Variants in SUPT3H observed in about 807,000 individuals in gnomAD.
The protein encoded by SUPT3H is SPT3 homolog, SAGA and STAGA complex component.
SUPT3H carries 44 observed loss-of-function variants against 44.3 expected under a neutral mutation model. That is an observed-to-expected ratio of 0.99 (90% CI 0.78 to 1.28). The LOEUF (loss-of-function observed/expected upper bound fraction) is 1.28, where lower values mean the gene tolerates loss of function less well. Ranked by LOEUF, SUPT3H falls within the 50% of genes most tolerant of loss-of-function variation. The pLI is 0.00. For missense variants in SUPT3H, 380 were observed against 387.1 expected (o/e 0.98, Z 0.15); for synonymous variants, 124 against 125.6 (o/e 0.99, Z 0.09).
intron 2 of SUPT3H, among the ~76,000 whole-genome samples, chr6:45,250,360 G>C (rs1219286342): frequency 1.4e-5 from 2 of 141,602 alleles, no homozygotes; most frequent in Admixed American, 6.9e-5. Flanking sequence ...GAAACATTAA[G>C]GCAATAAAAA....
intron 10 of SUPT3H, among the ~76,000 whole-genome samples, chr6:44,872,652 T>A (rs1397050283): frequency 1.4e-4 from 18 of 124,184 alleles, no homozygotes; most frequent in African/African-American, 5.2e-4. Flanking sequence ...ATAACAATAT[T>A]AACTTTAAAT....
intron 10 of SUPT3H, among the ~76,000 whole-genome samples, chr6:44,862,635 G>A (rs961714911): frequency 1.2e-4 from 18 of 146,018 alleles, no homozygotes; most frequent in African/African-American, 4.1e-4. Flanking sequence ...CCAAGATTGC[G>A]CCACTGCACT....
At chr6:45,234,932 A>G (rs780836178) in intron 2 of SUPT3H, among the ~76,000 whole-genome samples, 3 of 152,210 alleles carry the variant, frequency 2.0e-5, no homozygotes, top group Non-Finnish European at 4.4e-5. Flanking sequence ...CTTCTTAATA[A>G]AATTTAAGAG....
intron 3 of SUPT3H, among the ~76,000 whole-genome samples, chr6:45,099,722 AAATG>A (rs1798283344): frequency 6.6e-6 from 1 of 152,248 alleles, no homozygotes; most frequent in Non-Finnish European, 1.5e-5. Flanking sequence ...TGTACTAAAT[AAATG>A]AATAAAACAT....
At chr6:45,134,231 T>C (rs1345211004) in intron 2 of SUPT3H, among the ~76,000 whole-genome samples, 1 of 152,142 alleles carries the variant, frequency 6.6e-6, no homozygotes, top group Non-Finnish European at 1.5e-5. Flanking sequence ...GAACTCACTA[T>C]TATAACACTC....
intron 2 of SUPT3H, among the ~76,000 whole-genome samples, chr6:45,168,768 G>A (rs956081403): frequency 2.0e-5 from 3 of 152,130 alleles, no homozygotes; most frequent in East Asian, 1.9e-4. Flanking sequence ...AAGTATACAC[G>A]CACCTGGCAT....
intron 2 of SUPT3H, among the ~76,000 whole-genome samples, chr6:45,364,943 G>A (rs1794873310): frequency 6.6e-6 from 1 of 152,088 alleles, no homozygotes; most frequent in Admixed American, 6.5e-5. Flanking sequence ...TAGAGCAATT[G>A]TGTCCACCTG....
At chr6:44,871,095 T>A (rs1194397894) in intron 10 of SUPT3H, among the ~76,000 whole-genome samples, 1 of 150,636 alleles carries the variant, frequency 6.6e-6, no homozygotes. Flanking sequence ...TTGCCCAGGC[T>A]TGCTTAGGTA....
intron 10 of SUPT3H, among the ~76,000 whole-genome samples, chr6:44,870,891 G>T (rs1339179919): frequency 4.0e-5 from 6 of 151,826 alleles, no homozygotes; most frequent in African/African-American, 1.5e-4. Context: ...GGTGACGGAT[G>T]CACCTGGAAA....
chr6:45,307,519 G>T (rs572633168), intron 2 of SUPT3H, among the ~76,000 whole-genome samples: 6 of 152,204 alleles, frequency 3.9e-5, no homozygotes, highest in Non-Finnish European at 7.3e-5. Flanking sequence ...GTCTGGAGTG[G>T]AGCTCCAGCG....
chr6:44,858,278 C>T (rs1026365743), intron 10 of SUPT3H, among the ~76,000 whole-genome samples: 4 of 152,120 alleles, frequency 2.6e-5, no homozygotes, highest in South Asian at 2.1e-4. Flanking sequence ...AAATTAGTAA[C>T]ATGCTGATAA....
intron 10 of SUPT3H, among the ~76,000 whole-genome samples, chr6:44,916,183 T>C (rs780522378): frequency 1.3e-5 from 2 of 152,222 alleles, no homozygotes; most frequent in Non-Finnish European, 2.9e-5. Context: ...GTAGGAACTA[T>C]TTCTGGGTAA....
At chr6:45,043,183 A>AG (rs1788857511) in intron 3 of SUPT3H, among the ~76,000 whole-genome samples, 1 of 151,144 alleles carries the variant, frequency 6.6e-6, no homozygotes, top group African/African-American at 2.4e-5. Context: ...ACACACACAA[A>AG]CACCAAAACC....
Position 45,283,339 on chromosome 6 carries a change from C to A in SUPT3H, c.101+81862G>T, listed in dbSNP as rs1432942101. On this transcript the variant is annotated intron_variant, in intron 2 of 10. Coordinates refer to ENST00000371459, the MANE Select transcript of SUPT3H (RefSeq NM_003599.4). ...CATCAGTGTGCTGTATTCAGGAAACCCACCTCACGTGCAGAGACATACATA... is the reference window on the plus strand; with the variant it reads ...CATCAGTGTGCTGTATTCAGGAAACACACCTCACGTGCAGAGACATACATA... Among the ~76,000 whole-genome samples the A allele has an allele frequency of 2.6e-5, 4 of 151,992 alleles. No homozygotes were observed. The East Asian group carries it at 7.7e-4, about 29-fold the overall frequency.
intron 2 of SUPT3H, among the ~76,000 whole-genome samples, chr6:45,272,501 CCT>C (rs1455925704): frequency 1.3e-5 from 2 of 152,168 alleles, no homozygotes; most frequent in African/African-American, 4.8e-5. Context: ...TCCAATTAAA[CCT>C]CTGTCTTTTG....
At chr6:45,288,324 G>C (rs1464018931) in intron 2 of SUPT3H, among the ~76,000 whole-genome samples, 3 of 151,778 alleles carry the variant, frequency 2.0e-5, no homozygotes, top group Non-Finnish European at 4.4e-5. Flanking sequence ...AGAGACTTAA[G>C]GATAGTTTTT....
intron 6 of SUPT3H, among the ~76,000 whole-genome samples, chr6:44,994,728 G>A (rs1429437276): frequency 6.6e-6 from 1 of 152,074 alleles, no homozygotes; most frequent in Non-Finnish European, 1.5e-5. Flanking sequence ...TCCTATGTGA[G>A]AAATAAATAT....
intron 5 of SUPT3H, among the ~76,000 whole-genome samples, chr6:45,011,929 T>G (rs548994456): frequency 6.6e-6 from 1 of 152,072 alleles, no homozygotes; most frequent in Non-Finnish European, 1.5e-5. Flanking sequence ...TTTTGAAAGA[T>G]AGTTTTGCTG....
chr6:45,266,946 G>A (rs1305939534), intron 2 of SUPT3H, among the ~76,000 whole-genome samples: 2 of 151,926 alleles, frequency 1.3e-5, no homozygotes, highest in South Asian at 2.1e-4. Flanking sequence ...CATGTGACAG[G>A]TTACAGTTTA....
Sources: gnomAD v4.1 joint callset for allele counts (sites outside exome capture counted in the v4.1 genomes callset) on GRCh38, gnomAD v4.1.1 for gene constraint, MANE v1.5 for transcripts, NCBI Gene and HGNC (gene_info 2026-07-23, HGNC 2026-07-21) for gene names.